The following BCL11A variants were observed in gnomAD, a reference collection of about 807,000 sequenced individuals.
BCL11A encodes the protein BCL11 transcription factor A, also known as B cell CLL/lymphoma 11A.
BCL11A carries 2 observed loss-of-function variants against 55.9 expected under a neutral mutation model. The ratio of observed to expected loss-of-function variants is 0.04; its 90% CI spans 0.01 to 0.11. BCL11A has a LOEUF of 0.11. Among genes scored for constraint, BCL11A ranks in the 10% least tolerant of loss-of-function variants. BCL11A has a pLI of 1.00. For synonymous variants in BCL11A, 465 were observed against 473.4 expected, an observed-to-expected ratio of 0.98 and a Z score of 0.23; for missense variants, 817 against 1,137.1, an observed-to-expected ratio of 0.72 and a Z score of 4.05.
intron 2 of BCL11A, among the ~76,000 whole-genome samples, chr2:60,494,609 C>T (rs910129795): frequency 3.3e-5 from 5 of 152,160 alleles, no homozygotes; most frequent in African/African-American, 4.8e-5. Context: ...TAGCTCATTC[C>T]TAATGATTTA....
intron 1 of BCL11A, among the ~76,000 whole-genome samples, chr2:60,549,505 C>G (rs1189569121): frequency 1.3e-5 from 2 of 152,208 alleles, no homozygotes; most frequent in Non-Finnish European, 2.9e-5. Flanking sequence ...AAGGGTGGAC[C>G]GTGCAGAAAG....
chr2:60,480,447 T>C (rs1247269691), intron 2 of BCL11A, among the ~76,000 whole-genome samples: 1 of 152,168 alleles, frequency 6.6e-6, no homozygotes, highest in Non-Finnish European at 1.5e-5. Flanking sequence ...TTTCTTCCTG[T>C]TGGAGAGCCA....
chr2:60,536,691 C>T (rs186805958), intron 2 of BCL11A: 1 of 152,332 alleles, frequency 6.6e-6, no homozygotes, highest in African/African-American at 2.4e-5. Context: ...TGCCACCCCC[C>T]TGCTGGCAAC....
At chr2:60,454,602 A>G (rs530914103), downstream of BCL11A, among the ~76,000 whole-genome samples, 1 of 152,268 alleles carries the variant, frequency 6.6e-6, no homozygotes, top group East Asian at 1.9e-4. Flanking sequence ...GGAGGGGGAA[A>G]AGAGGCTTAA....
downstream of BCL11A, chr2:60,451,017 C>G (rs1675703068): frequency 5.7e-6 from 1 of 175,626 alleles, no homozygotes; most frequent in Non-Finnish European, 1.2e-5. Context: ...TCTGCTTTCT[C>G]TCTTACTGAT....
At chr2:60,540,315 C>G (rs957562612) in intron 2 of BCL11A, among the ~76,000 whole-genome samples, 1 of 152,154 alleles carries the variant, frequency 6.6e-6, no homozygotes, top group African/African-American at 2.4e-5. Context: ...GCTGGTACTA[C>G]TGTATGTAAA....
rs1436371909 is a variant in BCL11A, at chr2:60,538,739, C to CTCTGTG, written c.385+7231_385+7232insCACAGA. Among the ~76,000 whole-genome samples, 110 of 67,522 alleles carry CTCTGTG rather than the reference C, an allele frequency of 1.6e-3. 1 individual carries two copies. The highest frequency in any genetic ancestry group is 3.0e-3 in the Admixed American group (20 of 6,692). The allele number at this position is 67,522 out of a possible 152,430, so 44.3% of individuals were successfully genotyped here. ...TGAATGTCTCTCTCTCTCTCTCTCT[C>CTCTGTG]TGTGTGTGTGTGTGTGTGTGTGTGT... On this transcript the variant is annotated intron_variant, in intron 2 of 3. Transcript: ENST00000642384.
In BCL11A at chr2:60,460,437, A is replaced by G; in HGVS notation, c.2475T>C (p.Asp825=). 6.2e-7 allele frequency: 1 copy of G among 1,606,588 alleles called. No individual in the cohort carries two copies. Among genetic ancestry groups the G allele is most frequent in the African/African-American group, 1.3e-5 (1 of 74,860 alleles). The stretch of plus-strand genomic sequence containing the variant: ...TTTTTATATCATTATTCAACACTCG[A>G]TCACTGTGCCATTTTTTCATGTGTT... The part of the protein sequence containing the change: ...LEKHMKKWHS[D]RVLNNDIKTE The change falls in exon 4 of 4, where the codon GAT becomes GAC. Residue 825 remains aspartate, a synonymous_variant. Coordinates refer to ENST00000642384, the MANE Select transcript of BCL11A (RefSeq NM_022893.4).
At position 60,459,752 on chromosome 2, in the gene BCL11A, TTTC is replaced by T. The variant is rs1676129381; in HGVS notation, c.*649_*651del. 9.6e-7 allele frequency: 1 copy of T among 1,039,660 alleles called. No homozygotes were observed. The highest frequency in any genetic ancestry group is 1.2e-6 in the Non-Finnish European group (1 of 862,916). 64.4% of individuals were successfully genotyped at this position (1,039,660 alleles called of 1,614,324 possible). The stretch of plus-strand genomic sequence containing the variant: ...GTTAATTTGTCAATTCAAGGCCTTT[TTTC>T]TTCCTTTCCAATTGATACATTTAAC... On this transcript the variant is annotated 3_prime_UTR_variant, in exon 4 of 4. Transcript: ENST00000642384.
chr2:60,466,788 C>A (rs1035974865), intron 3 of BCL11A, among the ~76,000 whole-genome samples: 1 of 149,900 alleles, frequency 6.7e-6, no homozygotes, highest in African/African-American at 2.5e-5. Context: ...CTTTTTTTTT[C>A]TTTCCACAGC....
rs1670149319 is a variant in BCL11A at position 60,546,263 on chromosome 2, T to G, written c.93A>C (p.Pro31=). The G allele has an allele frequency of 6.2e-7, 1 of 1,614,178 alleles. No individual in the cohort carries two copies. The highest frequency in any genetic ancestry group is 8.5e-7 in the Non-Finnish European group (1 of 1,180,020). ...PLEAILTDDE[P]DHGPLGAPEG... ...CTGGAGCTCCCAACGGGCCGTGGTCTGGTTCATCATCTGTAAGAATGGCTT... is the reference window on the plus strand; with the variant it reads ...CTGGAGCTCCCAACGGGCCGTGGTCGGGTTCATCATCTGTAAGAATGGCTT... Residue 31 remains proline (P), a synonymous_variant, in exon 2 of 4, where the codon CCA becomes CCC. Coordinates refer to ENST00000642384, the MANE Select transcript of BCL11A (RefSeq NM_022893.4). This position sits in a 1 kb window ranked among gnomAD's most constrained non-coding sequence, Gnocchi z 4.1.
chr2:60,458,745 G>T lies in BCL11A; in HGVS notation c.*1659C>A, dbSNP rs546481214. 5 of 1,032,800 alleles carry T rather than the reference G, an allele frequency of 4.8e-6. No homozygotes were observed. The highest frequency in any genetic ancestry group is 5.8e-6 in the Non-Finnish European group (5 of 858,224). 64.0% of individuals were successfully genotyped at this position (1,032,800 alleles called of 1,614,324 possible). On this transcript the variant is annotated 3_prime_UTR_variant, in exon 4 of 4. Transcript: ENST00000642384. The stretch of plus-strand genomic sequence containing the variant: ...GCACTTAATTGTCCTATCTGAGCAG[G>T]TTTATTTTATACTCAACCTCTGTAT...
At chr2:60,452,774 C>T, downstream of BCL11A, 1 of 848,746 alleles carries the variant, frequency 1.2e-6, no homozygotes, top group South Asian at 1.6e-5. Flanking sequence ...GAACTTAAAC[C>T]AACCACAGGT....
chr2:60,526,407 G>T (rs889872387), intron 2 of BCL11A: 3 of 152,134 alleles, frequency 2.0e-5, no homozygotes, highest in African/African-American at 7.2e-5. Flanking sequence ...TACCATTTGG[G>T]AAGTGTACAT....
At chr2:60,508,497 G>A (rs953854808) in intron 2 of BCL11A, 6 of 152,276 alleles carry the variant, frequency 3.9e-5, no homozygotes, top group African/African-American at 1.4e-4. Context: ...GCAACTGGGA[G>A]GTTCTGGAAT....
At chr2:60,491,766 C>G (rs1678653779) in intron 2 of BCL11A, among the ~76,000 whole-genome samples, 1 of 152,000 alleles carries the variant, frequency 6.6e-6, no homozygotes, top group Non-Finnish European at 1.5e-5. Context: ...ACACCCTAGG[C>G]ATCATCACTC....
intron 2 of BCL11A, 73 bp downstream of exon 2, chr2:60,545,898 A>T: frequency 7.6e-7 from 1 of 1,319,422 alleles, no homozygotes; most frequent in Non-Finnish European, 1.1e-6. Context: ...ACAACTCCTT[A>T]CTGCTTGGCT....
chr2:60,511,170 G>C (rs1245886401), intron 2 of BCL11A, among the ~76,000 whole-genome samples: 1 of 152,212 alleles, frequency 6.6e-6, no homozygotes, highest in African/African-American at 2.4e-5. Flanking sequence ...CTCCATTCTT[G>C]CTTTCAGATT....
downstream of BCL11A, among the ~76,000 whole-genome samples, chr2:60,454,498 A>T (rs1041847738): frequency 6.6e-6 from 1 of 152,162 alleles, no homozygotes; most frequent in African/African-American, 2.4e-5. Context: ...TACATTCCTG[A>T]ACACACCAGG....
Sources: gnomAD v4.1 joint callset for allele counts (sites outside exome capture counted in the v4.1 genomes callset) on GRCh38, gnomAD v4.1.1 for gene constraint, Gnocchi (gnomAD v3.1) non-coding constraint, MANE v1.5 for transcripts, NCBI Gene and HGNC (gene_info 2026-07-23, HGNC 2026-07-21) for gene names.